PLPP3: variants seen among roughly 807,000 people sequenced by gnomAD.
PLPP3 encodes PAP2 beta.
PLPP3 carries 6 observed loss-of-function variants against 29.6 expected under a neutral mutation model. The observed-to-expected ratio is 0.20, with a 90% CI of 0.11 to 0.40. The LOEUF is 0.40. Ranked by LOEUF, PLPP3 falls within the 10% of genes least tolerant of loss-of-function variation. The pLI is 1.00. For missense variants in PLPP3, 308 were observed against 407.7 expected (o/e 0.76, Z 2.11); for synonymous variants, 152 against 159.7 (o/e 0.95, Z 0.36).
chr1:56,528,935 C>T (rs533974464), intron 2 of PLPP3, among the ~76,000 whole-genome samples: 1 of 151,394 alleles, frequency 6.6e-6, no homozygotes, highest in East Asian at 1.9e-4. Flanking sequence ...TAACATTCCA[C>T]TCTATTTGTA....
Position 56,579,195 on chromosome 1 carries a change from T to G in PLPP3, c.-179A>C, listed in dbSNP as rs1214643174. 5 of 684,592 alleles carry G rather than the reference T, an allele frequency of 7.3e-6. No homozygotes were observed. Among genetic ancestry groups the G allele is most frequent in the African/African-American group, 3.9e-5 (2 of 51,134 alleles). 42.4% of individuals were successfully genotyped at this position (684,592 alleles called of 1,614,324 possible). ...GCTGCCTGCCTCCAACTGCAGAAGG[T>G]GGTGTTTTCTGCTCCTCCTGCGCGC... On this transcript the variant is annotated 5_prime_UTR_variant, in exon 1 of 6. Transcript: ENST00000371250.
chr1:56,511,473 G>A (rs185374892), intron 5 of PLPP3, among the ~76,000 whole-genome samples: 6 of 152,162 alleles, frequency 3.9e-5, no homozygotes, highest in African/African-American at 1.4e-4. Context: ...CACTCCCAAG[G>A]TCACAGAGGG....
Position 56,524,382 on chromosome 1 carries a change from T to G in PLPP3, c.470A>C (p.His157Pro). The change falls in exon 3 of 6, where the codon CAC becomes CCC. Residue 157 changes from histidine (H) to proline (P), a missense_variant. Physicochemically the swap from His to Pro is moderately conservative, Grantham distance 77. Around this residue, in one of 3 missense-constraint regions of PLPP3, gnomAD observed 232 missense variants for 317.2 expected, o/e 0.73. Transcript: ENST00000371250. This position sits in a 1 kb window ranked among gnomAD's most constrained non-coding sequence, Gnocchi z 4.3. ...AKVSIGRLRP[H>P]FLSVCNPDFS... ...ATCAGGGTTGCAGACACTCAAGAAGTGAGGACGCAGGCGCCCTATGGACAC... is the reference window on the plus strand; with the variant it reads ...ATCAGGGTTGCAGACACTCAAGAAGGGAGGACGCAGGCGCCCTATGGACAC... 6.2e-7 allele frequency: 1 copy of G among 1,614,038 alleles called. No homozygotes were observed. The highest frequency in any genetic ancestry group is 1.1e-5 in the South Asian group (1 of 91,090).
rs756380537 is a variant in PLPP3, at chr1:56,495,863, GC to G, written c.*687del. Reference sequence around the variant, plus strand: ...ATGCGTCAAAAGAAGAAAAGTGAGGGCCTGTGCCCTCGATTTCTTCTGAAAT... The same window carrying G: ...ATGCGTCAAAAGAAGAAAAGTGAGGGCTGTGCCCTCGATTTCTTCTGAAAT... On this transcript the variant is annotated 3_prime_UTR_variant, in exon 6 of 6. Transcript: ENST00000371250. The G allele has an allele frequency of 6.5e-5, 10 of 152,690 alleles. No individual in the cohort carries two copies. Among genetic ancestry groups the G allele is most frequent in the Non-Finnish European group, 1.2e-4 (8 of 68,060 alleles). The allele number at this position is 152,690 out of a possible 1,614,324, so 9.5% of individuals were successfully genotyped here. A position where few individuals can be genotyped will look rare whatever the true frequency, so the allele number is the denominator to read the frequency against.
Position 56,495,129 on chromosome 1 carries a change from A to C in PLPP3, c.*1422T>G, listed in dbSNP as rs889191103. ...ATAGTTAACTTTTAATGTTTTATAC[A>C]TTATTTATATAATATTTATATATAA... On this transcript the variant is annotated 3_prime_UTR_variant, in exon 6 of 6. Transcript: ENST00000371250. 3 of 152,148 alleles carry C rather than the reference A, an allele frequency of 2.0e-5. No homozygotes were observed. The highest frequency in any genetic ancestry group is 2.9e-5 in the Non-Finnish European group (2 of 67,974). 9.4% of individuals were successfully genotyped at this position (152,148 alleles called of 1,614,324 possible). A position where few individuals can be genotyped will look rare whatever the true frequency, so the allele number is the denominator to read the frequency against.
intron 1 of PLPP3, 123 bp from the exon 2 acceptor site, chr1:56,537,235 G>A (rs747539075): frequency 5.4e-6 from 6 of 1,115,848 alleles, no homozygotes; most frequent in Non-Finnish European, 6.3e-6. Flanking sequence ...AGTGATAATC[G>A]TTCCTTCCAT....
At chr1:56,537,742 A>G (rs1412896696) in intron 1 of PLPP3, among the ~76,000 whole-genome samples, 1 of 151,930 alleles carries the variant, frequency 6.6e-6, no homozygotes, top group Non-Finnish European at 1.5e-5. Context: ...CATGAATGCC[A>G]TTTTCCAGGC....
chr1:56,511,042 C>T (rs1486106160), intron 5 of PLPP3, among the ~76,000 whole-genome samples: 2 of 152,190 alleles, frequency 1.3e-5, no homozygotes, highest in African/African-American at 4.8e-5. Context: ...AAGGATAATA[C>T]TAACAACAAT....
chr1:56,551,433 A>G (rs1348979454), intron 1 of PLPP3, among the ~76,000 whole-genome samples: 1 of 152,062 alleles, frequency 6.6e-6, no homozygotes, highest in Non-Finnish European at 1.5e-5. Context: ...TCATTTGCTC[A>G]TCTTCAAGAC....
At chr1:56,559,466 G>A (rs560272075) in intron 1 of PLPP3, among the ~76,000 whole-genome samples, 73 of 151,928 alleles carry the variant, frequency 4.8e-4, no homozygotes, top group African/African-American at 1.5e-3. Context: ...TGCCCAGGCT[G>A]GTCTTGAACT....
chr1:56,502,885 G>T (rs1396483184), intron 5 of PLPP3, among the ~76,000 whole-genome samples: 1 of 152,178 alleles, frequency 6.6e-6, no homozygotes, highest in East Asian at 1.9e-4. Flanking sequence ...AAAGACCATG[G>T]CTGTTGCTCC....
chr1:56,515,221 A>G (rs1169878795), intron 4 of PLPP3, among the ~76,000 whole-genome samples: 1 of 152,194 alleles, frequency 6.6e-6, no homozygotes, highest in Non-Finnish European at 1.5e-5. Context: ...ATAGCATGAA[A>G]TACTACTCAA....
intron 5 of PLPP3, among the ~76,000 whole-genome samples, chr1:56,508,259 G>T (rs1645717099): frequency 6.6e-6 from 1 of 152,202 alleles, no homozygotes; most frequent in Non-Finnish European, 1.5e-5. Context: ...GGAGGTGAAG[G>T]GGTGGAGAGA....
intron 2 of PLPP3, among the ~76,000 whole-genome samples, chr1:56,532,116 G>A (rs1645893313): frequency 6.6e-6 from 1 of 152,178 alleles, no homozygotes; most frequent in African/African-American, 2.4e-5. Context: ...AGTGTGGGTG[G>A]TGGAGAAAGG....
intron 1 of PLPP3, among the ~76,000 whole-genome samples, chr1:56,556,004 G>A (rs766293312): frequency 6.6e-6 from 1 of 152,160 alleles, no homozygotes; most frequent in Non-Finnish European, 1.5e-5. Context: ...CTATTCATGA[G>A]TAGGAAACAG....
At position 56,496,463 on chromosome 1, in the gene PLPP3, A is replaced by G. The variant is rs917015362; in HGVS notation, c.*88T>C. ...ATCAGTCGGGCAAAAGTTTTTCCCT[A>G]CATTCTACTGTCTGATGAGATTGGA... is the stretch of plus-strand genomic sequence containing the variant. On this transcript the variant is annotated 3_prime_UTR_variant, in exon 6 of 6. Coordinates refer to ENST00000371250, the MANE Select transcript of PLPP3 (RefSeq NM_003713.5). 13 of 1,462,102 alleles carry G rather than the reference A, an allele frequency of 8.9e-6. No homozygotes were observed. The African/African-American group carries it at 1.1e-4, about 13-fold the overall frequency. 90.6% of individuals were successfully genotyped at this position (1,462,102 alleles called of 1,614,324 possible).
At chr1:56,572,400 G>A (rs1196683017) in intron 1 of PLPP3, among the ~76,000 whole-genome samples, 1 of 152,104 alleles carries the variant, frequency 6.6e-6, no homozygotes, top group Non-Finnish European at 1.5e-5. Flanking sequence ...TGACAGGAAT[G>A]ACCCAAGTGA....
At chr1:56,505,226 T>C (rs1252172568) in intron 5 of PLPP3, among the ~76,000 whole-genome samples, 1 of 152,258 alleles carries the variant, frequency 6.6e-6, no homozygotes, top group Non-Finnish European at 1.5e-5. Context: ...CCAAGCATGA[T>C]GTATCTTTAA....
At chr1:56,553,731 T>A (rs182047400) in intron 1 of PLPP3, among the ~76,000 whole-genome samples, 1 of 152,196 alleles carries the variant, frequency 6.6e-6, no homozygotes, top group Non-Finnish European at 1.5e-5. Context: ...CACTGGCAAC[T>A]GACATACAAT....
Sources: gnomAD v4.1 joint callset for allele counts (sites outside exome capture counted in the v4.1 genomes callset) on GRCh38, gnomAD v4.1.1 for gene constraint, gnomAD v4.1.1 regional missense constraint, Gnocchi (gnomAD v3.1) non-coding constraint, MANE v1.5 for transcripts, NCBI Gene and HGNC (gene_info 2026-07-23, HGNC 2026-07-21) for gene names.